RANBP17: variants seen among roughly 807,000 people sequenced by gnomAD.
RANBP17 encodes ran-binding protein 17.
RANBP17 carries 158 observed loss-of-function variants against 141.2 expected under a neutral mutation model. The ratio of observed to expected loss-of-function variants is 1.12; its 90% CI spans 0.98 to 1.28. RANBP17 has a LOEUF of 1.28. Among genes scored for constraint, RANBP17 ranks in the 50% most tolerant of loss-of-function variants. The probability of loss-of-function intolerance (pLI) is 0.00; values close to 1 mark genes in which losing one functional copy is unlikely to be tolerated. For missense variants in RANBP17, 1,438 were observed against 1,290.7 expected (o/e 1.11, Z -1.75); for synonymous variants, 430 against 450.0 (o/e 0.96, Z 0.56).
At position 170,909,677 on chromosome 5, in the gene RANBP17, C is replaced by T; in HGVS notation, c.506C>T (p.Pro169Leu). 1 of 1,572,260 alleles carries T rather than the reference C, an allele frequency of 6.4e-7. No individual in the cohort carries two copies. The highest frequency in any genetic ancestry group is 1.4e-5 in the African/African-American group (1 of 72,150). The change falls in exon 6 of 28, where the codon CCT becomes CTT. Residue 169 changes from proline (P) to leucine (L), a missense_variant. Coordinates refer to ENST00000523189, the MANE Select transcript of RANBP17 (RefSeq NM_022897.5). ...TCTTTTTAGGTTGATTATTCTAGAC[C>T]TTCAGCAAAACACAGGAAAATAGCT... ...QEMNLVDYSR[P>L]SAKHRKIATS...
At chr5:171,122,464 A>G (rs1191652980) in intron 14 of RANBP17, among the ~76,000 whole-genome samples, 1 of 152,222 alleles carries the variant, frequency 6.6e-6, no homozygotes, top group Non-Finnish European at 1.5e-5. Flanking sequence ...GTATAAATAC[A>G]CATTGAATAG....
intron 14 of RANBP17, among the ~76,000 whole-genome samples, chr5:171,127,882 C>T (rs1440421861): frequency 5.9e-5 from 9 of 152,072 alleles, no homozygotes; most frequent in East Asian, 5.8e-4. Flanking sequence ...AATATCAGGC[C>T]GGGCACGGTG....
intron 14 of RANBP17, among the ~76,000 whole-genome samples, chr5:171,062,439 G>A (rs1249452298): frequency 6.6e-6 from 1 of 152,170 alleles, no homozygotes; most frequent in Non-Finnish European, 1.5e-5. Flanking sequence ...GGCTGGATAT[G>A]AAATTCTGGG....
chr5:171,230,907 G>A (rs1019254943), intron 22 of RANBP17, among the ~76,000 whole-genome samples: 1 of 151,920 alleles, frequency 6.6e-6, no homozygotes, highest in African/African-American at 2.4e-5. Context: ...AGCTAGAAGA[G>A]AGAGGAACAG....
chr5:171,251,399 G>C (rs1242461875), intron 24 of RANBP17, among the ~76,000 whole-genome samples: 1 of 152,044 alleles, frequency 6.6e-6, no homozygotes, highest in Non-Finnish European at 1.5e-5. Context: ...TTTAAAAATT[G>C]AAATCATATC....
intron 14 of RANBP17, among the ~76,000 whole-genome samples, chr5:171,051,367 A>C (rs1782940293): frequency 6.6e-6 from 1 of 152,106 alleles, no homozygotes; most frequent in Non-Finnish European, 1.5e-5. Context: ...AATACTTTGT[A>C]CCTATTAAGT....
intron 2 of RANBP17, among the ~76,000 whole-genome samples, chr5:170,880,963 GT>G (rs1453728331): frequency 6.6e-6 from 1 of 152,180 alleles, no homozygotes; most frequent in Non-Finnish European, 1.5e-5. Context: ...TGTGGTCTCT[GT>G]TTTAGCTATT....
intron 12 of RANBP17, 136 bp from the exon 13 acceptor site, chr5:170,953,461 A>C: frequency 3.3e-6 from 2 of 601,390 alleles, no homozygotes; most frequent in Non-Finnish European, 5.9e-6. Context: ...TCTGCTTTCT[A>C]TCCAGAACTG....
chr5:170,965,245 GT>G (rs202116295), intron 13 of RANBP17, among the ~76,000 whole-genome samples: 90,316 of 147,394 alleles, frequency 0.61, 28,752 homozygotes, highest in South Asian at 0.89. Context: ...TGATGGGGTT[GT>G]TTTTTTTTTT....
intron 14 of RANBP17, among the ~76,000 whole-genome samples, chr5:171,082,886 G>GA (rs11418055): frequency 0.61 from 88,827 of 145,036 alleles, 27,972 homozygotes; most frequent in South Asian, 0.88. Context: ...CCTCTTTAAA[G>GA]AAAAAAAAAA....
intron 14 of RANBP17, among the ~76,000 whole-genome samples, chr5:171,004,998 C>G (rs1172514049): frequency 6.6e-6 from 1 of 152,078 alleles, no homozygotes; most frequent in East Asian, 1.9e-4. Flanking sequence ...TGTCTGGCTA[C>G]CCCCTCTCTA....
At chr5:171,177,822 A>T (rs1031424656) in intron 16 of RANBP17, among the ~76,000 whole-genome samples, 1 of 152,062 alleles carries the variant, frequency 6.6e-6, no homozygotes, top group African/African-American at 2.4e-5. Flanking sequence ...CCTGTCTCCT[A>T]TTAGATTGTA....
intron 13 of RANBP17, among the ~76,000 whole-genome samples, chr5:170,956,032 TC>T (rs1352154258): frequency 6.6e-6 from 1 of 151,540 alleles, no homozygotes; most frequent in African/African-American, 2.4e-5. Context: ...ACCTGTATTT[TC>T]TCCCAGCTGT....
intron 25 of RANBP17, among the ~76,000 whole-genome samples, chr5:171,267,547 C>T (rs1367911980): frequency 6.6e-6 from 1 of 152,156 alleles, no homozygotes; most frequent in Non-Finnish European, 1.5e-5. Flanking sequence ...GTGACTCACG[C>T]CTGTAATCTC....
rs563256880 is a variant in RANBP17, at chr5:171,196,110, A to G, written c.2039-3560A>G. ...AAACAACAAATGAATAAATATGTCA[A>G]TGAATGGCCAGTATAGTAAGTCCCA... On this transcript the variant is annotated intron_variant, in intron 18 of 27. Transcript: ENST00000523189. Among the ~76,000 whole-genome samples the G allele has an allele frequency of 3.0e-4, 46 of 152,332 alleles. No homozygotes were observed. In the South Asian group the frequency reaches 9.3e-3, roughly 31 times the overall value.
At chr5:170,991,493 A>G (rs1232121875) in intron 14 of RANBP17, among the ~76,000 whole-genome samples, 1 of 151,912 alleles carries the variant, frequency 6.6e-6, no homozygotes, top group East Asian at 1.9e-4. Context: ...TTGGCTTGTG[A>G]TTCCTTTTCT....
intron 14 of RANBP17, among the ~76,000 whole-genome samples, chr5:171,054,788 T>G (rs1237150286): frequency 2.0e-5 from 3 of 152,072 alleles, no homozygotes; most frequent in Non-Finnish European, 4.4e-5. Context: ...GTTTCCCCCC[T>G]CCCTTTTACA....
chr5:171,275,457 A>C (rs1368026798), intron 25 of RANBP17, among the ~76,000 whole-genome samples: 1 of 152,154 alleles, frequency 6.6e-6, no homozygotes, highest in African/African-American at 2.4e-5. Context: ...TACATAATTA[A>C]GAGTATTGGA....
intron 14 of RANBP17, among the ~76,000 whole-genome samples, chr5:171,005,547 A>G (rs1779536906): frequency 6.6e-6 from 1 of 152,254 alleles, no homozygotes; most frequent in African/African-American, 2.4e-5. Flanking sequence ...CCATATGTAG[A>G]AAGCTGAAAC....
Sources: gnomAD v4.1 joint callset for allele counts (sites outside exome capture counted in the v4.1 genomes callset) on GRCh38, gnomAD v4.1.1 for gene constraint, MANE v1.5 for transcripts, NCBI Gene and HGNC (gene_info 2026-07-23, HGNC 2026-07-21) for gene names.